The following CFAP54 variants were observed in gnomAD, a reference collection of about 807,000 sequenced individuals.
CFAP54 encodes the protein cilia and flagella associated protein 54.
A neutral mutation model predicts 370.4 loss-of-function variants in CFAP54; 290 were observed. That is an observed-to-expected ratio of 0.78 (90% confidence interval 0.71 to 0.86). The LOEUF (loss-of-function observed/expected upper bound fraction) is 0.86, where lower values mean the gene tolerates loss of function less well. CFAP54 is among the 40% of genes least tolerant of loss of function. CFAP54 has a pLI of 0.00. For missense variants in CFAP54, 3,399 were observed against 3,528.7 expected, an observed-to-expected ratio of 0.96 and a Z score of 0.93; for synonymous variants, 1,206 against 1,236.5, an observed-to-expected ratio of 0.98 and a Z score of 0.52.
chr12:96,872,738 C>T (rs777396861), intron 67 of CFAP54, among the ~76,000 whole-genome samples: 4 of 152,014 alleles, frequency 2.6e-5, no homozygotes, highest in Non-Finnish European at 4.4e-5. Flanking sequence ...TCTCTATGAG[C>T]CATTGATGTG....
chr12:96,704,738 G>A lies in CFAP54; in HGVS notation c.6475-5G>A. 8.1e-7 allele frequency: 1 copy of A among 1,228,956 alleles called. No homozygotes were observed. The highest frequency in any genetic ancestry group is 1.1e-6 in the Non-Finnish European group (1 of 887,606). The allele number at this position is 1,228,956 out of a possible 1,614,324, so 76.1% of individuals were successfully genotyped here. The stretch of plus-strand genomic sequence containing the variant: ...TCTTGCTGTTACTATTTTGTATTTT[G>A]ACAGATCTTTCAATCATTTGACTCA... On this transcript the variant is annotated splice_region_variant and splice_polypyrimidine_tract_variant and intron_variant, in intron 46 of 67. Coordinates refer to ENST00000524981, the MANE Select transcript of CFAP54 (RefSeq NM_001306084.2).
intron 48 of CFAP54, among the ~76,000 whole-genome samples, chr12:96,711,241 G>C (rs527631455): frequency 6.6e-6 from 1 of 151,802 alleles, no homozygotes. Flanking sequence ...ATTCTGTAAG[G>C]TTAGTAGTAA....
chr12:96,827,675 T>C (rs1295432908), intron 65 of CFAP54, among the ~76,000 whole-genome samples: 5 of 134,838 alleles, frequency 3.7e-5, no homozygotes, highest in Admixed American at 1.7e-4. Flanking sequence ...TTATGTATAA[T>C]TATATATGAT....
chr12:96,747,932 T>C (rs984980660), intron 55 of CFAP54, among the ~76,000 whole-genome samples: 4 of 152,250 alleles, frequency 2.6e-5, no homozygotes, highest in Admixed American at 6.5e-5. Context: ...AGTTTCTTTA[T>C]CTTTGTCAGT....
At chr12:96,664,721 ATATC>A (rs1414498368) in intron 39 of CFAP54, among the ~76,000 whole-genome samples, 1,302 of 12,738 alleles carry the variant, frequency 0.1, 36 homozygotes, top group African/African-American at 0.2. Context: ...ATATCTATAT[ATATC>A]TATATATATA....
At chr12:96,621,777 G>T in intron 27 of CFAP54, 56 bp downstream of exon 27, 7 of 1,289,168 alleles carry the variant, frequency 5.4e-6, no homozygotes, top group East Asian at 3.2e-5. Flanking sequence ...TCTTTTAGGG[G>T]TAATGTAGTA....
chr12:96,526,891 T>G (rs1181251968), intron 8 of CFAP54, among the ~76,000 whole-genome samples: 1 of 142,500 alleles, frequency 7.0e-6, no homozygotes, highest in Non-Finnish European at 1.5e-5. Context: ...ACAGGTTTTT[T>G]TTTTTTTTTT....
At chr12:96,580,485 G>A (rs1025782572) in intron 20 of CFAP54, 112 bp from the exon 21 acceptor site, 1 of 570,168 alleles carries the variant, frequency 1.8e-6, no homozygotes, top group Admixed American at 3.8e-5. Flanking sequence ...TGTAAACTTG[G>A]ATTTCATGTT....
chr12:96,762,379 C>T (rs542616620), intron 58 of CFAP54, among the ~76,000 whole-genome samples: 2 of 152,302 alleles, frequency 1.3e-5, no homozygotes, highest in African/African-American at 2.4e-5. Context: ...CACTTTACTT[C>T]TTCACTTCCA....
intron 26 of CFAP54, among the ~76,000 whole-genome samples, chr12:96,605,127 T>C (rs1487967127): frequency 6.6e-6 from 1 of 152,228 alleles, no homozygotes; most frequent in East Asian, 1.9e-4. Context: ...TGCATTTGTA[T>C]ATTTTATAAG....
intron 26 of CFAP54, among the ~76,000 whole-genome samples, chr12:96,620,159 G>T (rs1185653876): frequency 1.3e-5 from 2 of 152,162 alleles, no homozygotes; most frequent in Non-Finnish European, 2.9e-5. Context: ...TCAGGTCTAA[G>T]CAGCCACTCA....
chr12:96,735,761 T>C (rs961625651), intron 50 of CFAP54, among the ~76,000 whole-genome samples: 2 of 152,196 alleles, frequency 1.3e-5, no homozygotes, highest in South Asian at 2.1e-4. Flanking sequence ...TGTTGGTTCA[T>C]TTTATACATT....
intron 38 of CFAP54, among the ~76,000 whole-genome samples, chr12:96,660,087 G>C (rs777688789): frequency 7.2e-5 from 11 of 152,252 alleles, no homozygotes; most frequent in Non-Finnish European, 1.2e-4. Context: ...TGAACTGGGT[G>C]AGAGGTGGTA....
At chr12:96,796,114 T>C (rs919325920) in intron 63 of CFAP54, among the ~76,000 whole-genome samples, 3 of 152,202 alleles carry the variant, frequency 2.0e-5, no homozygotes, top group Admixed American at 1.3e-4. Flanking sequence ...CTCTCACACA[T>C]TGGGCACTCA....
chr12:96,726,902 C>G (rs1031935884), intron 50 of CFAP54, among the ~76,000 whole-genome samples: 1 of 151,952 alleles, frequency 6.6e-6, no homozygotes, highest in African/African-American at 2.4e-5. Context: ...TTTCAAAGAA[C>G]ATCTTTATTT....
intron 50 of CFAP54, among the ~76,000 whole-genome samples, chr12:96,729,159 C>T (rs1048581672): frequency 3.9e-5 from 6 of 152,166 alleles, no homozygotes; most frequent in African/African-American, 9.7e-5. Context: ...GCAGTCTGCC[C>T]GTTCTCAGAT....
At chr12:96,541,730 A>G (rs930836860) in intron 14 of CFAP54, among the ~76,000 whole-genome samples, 1 of 152,162 alleles carries the variant, frequency 6.6e-6, no homozygotes, top group Non-Finnish European at 1.5e-5. Context: ...AGATCAAGTA[A>G]GTGTTGAATG....
intron 58 of CFAP54, among the ~76,000 whole-genome samples, chr12:96,763,731 A>G (rs1281740911): frequency 2.0e-5 from 3 of 152,190 alleles, no homozygotes; most frequent in Admixed American, 6.5e-5. Flanking sequence ...GTGAGCTGAG[A>G]TTGTGTCATT....
In CFAP54 at chr12:96,533,858, G is replaced by A. The variant is rs944856978; in HGVS notation, c.1424G>A (p.Gly475Glu). 6 of 1,534,952 alleles carry A rather than the reference G, an allele frequency of 3.9e-6. No individual in the cohort carries two copies. Among genetic ancestry groups the A allele is most frequent in the Non-Finnish European group, 5.2e-6 (6 of 1,146,220 alleles). Residue 475 changes from glycine (G) to glutamate (E), a missense_variant, in exon 10 of 68, where the codon GGA becomes GAA. Gly to Glu is a moderately conservative substitution (Grantham distance 98). This residue lies in a region of CFAP54 where 559 missense variants were observed against 576.7 expected (regional missense o/e 0.97). Transcript: ENST00000524981. ...PKTSLLELMIGRKDVISVDAA... is the reference protein window; with the variant it reads ...PKTSLLELMIERKDVISVDAA... ...ACATCTCTTCTGGAACTTATGATAGGAAGAAAAGATGTTATTTCTGTGGAT... is the reference window on the plus strand; with the variant it reads ...ACATCTCTTCTGGAACTTATGATAGAAAGAAAAGATGTTATTTCTGTGGAT...
Sources: allele counts gnomAD v4.1 joint callset (sites outside exome capture counted in the v4.1 genomes callset), GRCh38; gene constraint gnomAD v4.1.1; regional missense constraint gnomAD v4.1.1; transcripts MANE v1.5; gene names NCBI Gene and HGNC (gene_info 2026-07-23, HGNC 2026-07-21).